Variants in DNM2 observed in about 807,000 individuals in gnomAD.
The protein encoded by DNM2 is dynamin 2, also known as dynamin-2.
A neutral mutation model predicts 99.0 loss-of-function variants in DNM2; 15 were observed. The ratio of observed to expected loss-of-function variants is 0.15; its 90% CI spans 0.10 to 0.23. The LOEUF (loss-of-function observed/expected upper bound fraction) is 0.23, where lower values mean the gene tolerates loss of function less well. Among genes scored for constraint, DNM2 ranks in the 10% least tolerant of loss-of-function variants. The pLI is 1.00. For synonymous variants in DNM2, 525 were observed against 481.2 expected (o/e 1.09, Z -1.19); for missense variants, 742 against 1,189.4 (o/e 0.62, Z 5.53).
chr19:10,766,317 C>G (rs902575789), intron 2 of DNM2, among the ~76,000 whole-genome samples: 38 of 152,136 alleles, frequency 2.5e-4, no homozygotes, highest in African/African-American at 8.9e-4. Flanking sequence ...CTCTGGGGCT[C>G]CACAAGCTCC....
At chr19:10,744,048 C>G (rs1273212405) in intron 1 of DNM2, among the ~76,000 whole-genome samples, 1 of 151,416 alleles carries the variant, frequency 6.6e-6, no homozygotes, top group South Asian at 2.1e-4. Flanking sequence ...GTCCCAGCTG[C>G]TTAGGAGGCT....
At position 10,772,625 on chromosome 19, in the gene DNM2, C is replaced by T; in HGVS notation, c.382C>T (p.His128Tyr). 6.2e-7 allele frequency: 1 copy of T among 1,614,154 alleles called. No homozygotes were observed. The highest frequency in any genetic ancestry group is 8.5e-7 in the Non-Finnish European group (1 of 1,180,026). The change falls in exon 3 of 21, where the codon CAC becomes TAC. Residue 128 changes from histidine to tyrosine, a missense_variant. Physicochemically the swap from His to Tyr is moderately conservative, Grantham distance 83. Around this residue, in one of 7 missense-constraint regions of DNM2, gnomAD observed 192 missense variants for 358.9 expected, o/e 0.54. Transcript: ENST00000389253. The surrounding 1 kb of genome is among the most constrained non-coding windows in gnomAD (Gnocchi z 4.9). ...VPINLRVYSP[H>Y]VLNLTLIDLP... The stretch of plus-strand genomic sequence containing the variant: ...CATCAACCTTCGAGTCTACTCGCCA[C>T]ACGGTAGGCAGCACGGGTGGGGACC...
chr19:10,727,345 GTTTTC>G (rs113950959), intron 1 of DNM2, among the ~76,000 whole-genome samples: 6,688 of 151,860 alleles, frequency 0.044, 169 homozygotes, highest in African/African-American at 0.067. Flanking sequence ...TAGAGAGGAG[GTTTTC>G]TTTTCTTTTC....
chr19:10,789,065 G>A (rs563578687), intron 7 of DNM2, among the ~76,000 whole-genome samples: 4 of 152,316 alleles, frequency 2.6e-5, no homozygotes, highest in South Asian at 4.1e-4. Context: ...GGGGATGGTG[G>A]TGCACCCCTG....
chr19:10,725,948 C>A (rs2069099848), intron 1 of DNM2, among the ~76,000 whole-genome samples: 1 of 151,966 alleles, frequency 6.6e-6, no homozygotes, highest in Admixed American at 6.6e-5. Context: ...TGGCAGGGAG[C>A]GATGGCTCAC....
At chr19:10,743,635 T>C (rs1380219224) in intron 1 of DNM2, among the ~76,000 whole-genome samples, 1 of 151,130 alleles carries the variant, frequency 6.6e-6, no homozygotes, top group Non-Finnish European at 1.5e-5. Context: ...ATGGTAAAAC[T>C]CCGTCTCTAC....
At position 10,817,208 on chromosome 19, in the gene DNM2, C is replaced by T. The variant is rs2072775350; in HGVS notation, c.1672-2772C>T. ...AAAAAATAAACAAGACATTTACAGCCATGGGGTGGGGATGGCAGACTGATA... is the reference window on the plus strand; with the variant it reads ...AAAAAATAAACAAGACATTTACAGCTATGGGGTGGGGATGGCAGACTGATA... On this transcript the variant is annotated intron_variant, in intron 15 of 20. Coordinates refer to ENST00000389253, the MANE Select transcript of DNM2 (RefSeq NM_001005361.3). This position sits in a 1 kb window ranked among gnomAD's most constrained non-coding sequence, Gnocchi z 4.6. 6.6e-6 allele frequency among the ~76,000 whole-genome samples: 1 copy of T among 152,320 alleles called. No individual in the cohort carries two copies. The highest frequency in any genetic ancestry group is 6.5e-5 in the Admixed American group (1 of 15,304).
At chr19:10,787,018 G>A (rs1464829749) in intron 7 of DNM2, among the ~76,000 whole-genome samples, 3 of 152,196 alleles carry the variant, frequency 2.0e-5, no homozygotes, top group Non-Finnish European at 4.4e-5. Context: ...GGGAGTTGTC[G>A]GGAACAGCCT....
chr19:10,728,236 C>A (rs1432210244), intron 1 of DNM2, among the ~76,000 whole-genome samples: 1 of 152,204 alleles, frequency 6.6e-6, no homozygotes, highest in Non-Finnish European at 1.5e-5. Context: ...TGTGCAAGAT[C>A]TGACCAGTGT....
At chr19:10,806,725 G>A (rs1371173145) in intron 13 of DNM2, among the ~76,000 whole-genome samples, 1 of 152,128 alleles carries the variant, frequency 6.6e-6, no homozygotes, top group African/African-American at 2.4e-5. Context: ...CCTTGGAGGC[G>A]GAGGTTGCAG....
At chr19:10,798,752 A>C (rs958283376) in intron 11 of DNM2, among the ~76,000 whole-genome samples, 180 bp downstream of exon 11, 4 of 151,806 alleles carry the variant, frequency 2.6e-5, no homozygotes, top group Non-Finnish European at 5.9e-5. Context: ...TGCATATGGC[A>C]AAGTAACCCT....
intron 1 of DNM2, among the ~76,000 whole-genome samples, chr19:10,734,575 G>T (rs924337852): frequency 6.8e-6 from 1 of 147,240 alleles, no homozygotes; most frequent in African/African-American, 2.5e-5. Flanking sequence ...GGAGGTTGAG[G>T]CTGCAGTGAG....
chr19:10,776,589 C>T (rs2071163991), intron 4 of DNM2, among the ~76,000 whole-genome samples: 1 of 152,194 alleles, frequency 6.6e-6, no homozygotes, highest in South Asian at 2.1e-4. Context: ...CCCGTGGGAG[C>T]AGTTGATCTG....
rs564701894 is a variant in DNM2 at position 10,830,559 on chromosome 19, C to T, written c.2543+181C>T. On this transcript the variant is annotated intron_variant, in intron 20 of 20. Coordinates refer to ENST00000389253, the MANE Select transcript of DNM2 (RefSeq NM_001005361.3). The surrounding 1 kb of genome is among the most constrained non-coding windows in gnomAD (Gnocchi z 4.8). The stretch of plus-strand genomic sequence containing the variant: ...AGAGGCCAAGAGGCTTGTTCAGTGT[C>T]ACAGAGTAGCGGAGCCCTGGTGACT... 2 of 763,088 alleles carry T rather than the reference C, an allele frequency of 2.6e-6. No individual in the cohort carries two copies. The highest frequency in any genetic ancestry group is 2.7e-5 in the East Asian group (1 of 37,030). 47.3% of individuals were successfully genotyped at this position (763,088 alleles called of 1,614,324 possible). A position where few individuals can be genotyped will look rare whatever the true frequency, so the allele number is the denominator to read the frequency against.
chr19:10,733,836 A>G lies in DNM2; in HGVS notation c.161+15433A>G, dbSNP rs184812903. 1.4e-4 allele frequency among the ~76,000 whole-genome samples: 21 copies of G among 151,184 alleles called. No homozygotes were observed. In the East Asian group the frequency reaches 4.1e-3, roughly 30 times the overall value. ...AGCCTGGCCAACATAGCGAAACCCC[A>G]TCTCTACTAAAAATACAAAAAATTA... On this transcript the variant is annotated intron_variant, in intron 1 of 20. Transcript: ENST00000389253.
At chr19:10,804,508 T>C (rs151250112) in intron 12 of DNM2, among the ~76,000 whole-genome samples, 449 of 152,152 alleles carry the variant, frequency 3.0e-3, no homozygotes, top group African/African-American at 0.01. Flanking sequence ...CTGGGAAACA[T>C]GGTGAAACCC....
At chr19:10,828,458 G>T (rs2073222618) in intron 18 of DNM2, among the ~76,000 whole-genome samples, 1 of 148,268 alleles carries the variant, frequency 6.7e-6, no homozygotes. Context: ...GTGGTGGCAG[G>T]CGCCTGTAGT....
At chr19:10,789,343 G>C (rs79633234) in intron 7 of DNM2, among the ~76,000 whole-genome samples, 2 of 152,210 alleles carry the variant, frequency 1.3e-5, no homozygotes, top group East Asian at 3.9e-4. Context: ...ACCTCTCTGA[G>C]CCTCATTTTC....
At chr19:10,787,408 T>G (rs1281881135) in intron 7 of DNM2, among the ~76,000 whole-genome samples, 2 of 148,630 alleles carry the variant, frequency 1.3e-5, no homozygotes, top group Admixed American at 6.8e-5. Context: ...GAGGTGGAGC[T>G]TTCAGTGAGT....
Sources: gnomAD v4.1 joint callset for allele counts (sites outside exome capture counted in the v4.1 genomes callset) on GRCh38, gnomAD v4.1.1 for gene constraint, gnomAD v4.1.1 regional missense constraint, Gnocchi (gnomAD v3.1) non-coding constraint, MANE v1.5 for transcripts, NCBI Gene and HGNC (gene_info 2026-07-23, HGNC 2026-07-21) for gene names.